FAT3: variants seen among roughly 807,000 people sequenced by gnomAD.
FAT3 encodes FAT atypical cadherin 3, also known as protocadherin Fat 3.
In FAT3, 95 loss-of-function variants were observed where a neutral mutation model predicts 310.2. That is an observed-to-expected ratio of 0.31 (90% CI 0.26 to 0.36). FAT3 has a LOEUF of 0.36. Among genes scored for constraint, FAT3 ranks in the 10% least tolerant of loss-of-function variants. The pLI is 1.00. For missense variants in FAT3, 5,408 were observed against 5,715.6 expected, an observed-to-expected ratio of 0.95 and a Z score of 1.74; for synonymous variants, 2,314 against 2,192.9, an observed-to-expected ratio of 1.06 and a Z score of -1.54.
chr11:92,631,291 G>A (rs1941548521), intron 3 of FAT3, among the ~76,000 whole-genome samples: 1 of 152,100 alleles, frequency 6.6e-6, no homozygotes, highest in Non-Finnish European at 1.5e-5. Flanking sequence ...TGTCAAAAAG[G>A]GTCACCATGA....
At chr11:92,654,740 C>T (rs556192688) in intron 3 of FAT3, among the ~76,000 whole-genome samples, 6 of 152,156 alleles carry the variant, frequency 3.9e-5, no homozygotes, top group African/African-American at 1.4e-4. Flanking sequence ...ACAACAGGTC[C>T]GTCTGCTTTT....
chr11:92,732,655 G>T (rs1945216867), intron 4 of FAT3, among the ~76,000 whole-genome samples: 1 of 152,198 alleles, frequency 6.6e-6, no homozygotes. Flanking sequence ...TTTAAATTAT[G>T]TCTCAATGTC....
intron 13 of FAT3, among the ~76,000 whole-genome samples, chr11:92,823,969 G>A (rs1031520145): frequency 3.3e-5 from 5 of 152,262 alleles, no homozygotes; most frequent in Non-Finnish European, 7.3e-5. Context: ...ATTAATTTAA[G>A]CTGTTTCATT....
chr11:92,764,390 G>A (rs542752553), intron 5 of FAT3, among the ~76,000 whole-genome samples: 94 of 152,072 alleles, frequency 6.2e-4, no homozygotes, highest in African/African-American at 9.6e-4. Context: ...GAGGAGCTGC[G>A]AAACACAACC....
rs1423114908 is a variant in FAT3 at position 92,798,746 on chromosome 11, C to T, written c.5733C>T (p.Asp1911=). The change falls in exon 10 of 28, where the codon GAC becomes GAT. Residue 1911 remains aspartate, a synonymous_variant. Coordinates refer to ENST00000525166, the MANE Select transcript of FAT3 (RefSeq NM_001367949.2). ...TGAAAGTTAGTGCCACAGATCCTGACTCTGAGGTACCCCCTGAACTGACAT... is the reference window on the plus strand; with the variant it reads ...TGAAAGTTAGTGCCACAGATCCTGATTCTGAGGTACCCCCTGAACTGACAT... ...EVLKVSATDP[D]SEVPPELTYS... 6.2e-7 allele frequency: 1 copy of T among 1,613,870 alleles called. No homozygotes were observed. Among genetic ancestry groups the T allele is most frequent in the Non-Finnish European group, 8.5e-7 (1 of 1,179,854 alleles).
intron 14 of FAT3, 49 bp from the exon 15 acceptor site, chr11:92,834,819 GAC>G (rs1204131874): frequency 7.0e-7 from 1 of 1,420,726 alleles, no homozygotes; most frequent in Non-Finnish European, 9.6e-7. Context: ...TAGAATTGCT[GAC>G]CAGTGTTTTT....
intron 1 of FAT3, chr11:92,336,028 C>A: frequency 1.2e-5 from 6 of 486,214 alleles, no homozygotes; most frequent in South Asian, 9.5e-5. Flanking sequence ...CACTCAGCAA[C>A]TGGTCAGTTC....
At chr11:92,451,954 C>A (rs1189008821) in intron 2 of FAT3, among the ~76,000 whole-genome samples, 1 of 152,128 alleles carries the variant, frequency 6.6e-6, no homozygotes, top group South Asian at 2.1e-4. Flanking sequence ...GAGTCCTTGT[C>A]TTTTTAAAGA....
intron 2 of FAT3, among the ~76,000 whole-genome samples, chr11:92,471,295 C>T (rs540625642): frequency 1.3e-5 from 2 of 152,176 alleles, no homozygotes; most frequent in Admixed American, 6.6e-5. Context: ...ATACATAGCA[C>T]TAATTTGTTT....
chr11:92,419,059 C>G (rs889296354), intron 2 of FAT3, among the ~76,000 whole-genome samples: 1 of 152,148 alleles, frequency 6.6e-6, no homozygotes, highest in Non-Finnish European at 1.5e-5. Flanking sequence ...CCCTCTCCAC[C>G]AGACCCCTGA....
chr11:92,401,779 G>C (rs1023947685), intron 2 of FAT3, among the ~76,000 whole-genome samples: 1 of 152,188 alleles, frequency 6.6e-6, no homozygotes, highest in South Asian at 2.1e-4. Flanking sequence ...GCTAGGAGGA[G>C]AGGAACAAAG....
intron 3 of FAT3, among the ~76,000 whole-genome samples, chr11:92,624,781 A>C (rs1435146058): frequency 6.6e-6 from 1 of 152,144 alleles, no homozygotes; most frequent in Non-Finnish European, 1.5e-5. Context: ...AAACAGCAGA[A>C]ATTTGTTGTC....
chr11:92,523,680 T>C (rs1295965502), intron 2 of FAT3, among the ~76,000 whole-genome samples: 1 of 150,850 alleles, frequency 6.6e-6, no homozygotes. Flanking sequence ...TTTCACGCTT[T>C]CTATGAGCCT....
intron 22 of FAT3, among the ~76,000 whole-genome samples, chr11:92,878,608 C>T (rs1318295829): frequency 5.7e-5 from 6 of 105,606 alleles, no homozygotes; most frequent in Non-Finnish European, 1.1e-4. Flanking sequence ...ACTATAACCA[C>T]AACACAGGAG....
At position 92,800,469 on chromosome 11, in the gene FAT3, G is replaced by T. The variant is rs755655312; in HGVS notation, c.7456G>T (p.Val2486Leu). Residue 2486 changes from valine (V) to leucine (L), a missense_variant, in exon 10 of 28, where the codon GTA (valine) becomes TTA (leucine). Coordinates refer to ENST00000525166, the MANE Select transcript of FAT3 (RefSeq NM_001367949.2). ...CAGCACTGCACAGGTGCATATTAGGGTACTTGGGGCTAACTTGTACAGCCC... is the reference window on the plus strand; with the variant it reads ...CAGCACTGCACAGGTGCATATTAGGTTACTTGGGGCTAACTTGTACAGCCC... ...FTSTAQVHIR[V>L]LGANLYSPAF... 3.1e-6 allele frequency: 5 copies of T among 1,613,824 alleles called. No homozygotes were observed. Among genetic ancestry groups the T allele is most frequent in the Non-Finnish European group, 4.2e-6 (5 of 1,179,874 alleles).
intron 4 of FAT3, among the ~76,000 whole-genome samples, chr11:92,712,161 G>A (rs972376979): frequency 2.6e-5 from 4 of 152,164 alleles, no homozygotes; most frequent in Non-Finnish European, 5.9e-5. Context: ...ATGTCTCTGA[G>A]AGGGCACATA....
At chr11:92,823,654 C>A (rs1278518144) in intron 13 of FAT3, among the ~76,000 whole-genome samples, 1 of 152,152 alleles carries the variant, frequency 6.6e-6, no homozygotes, top group Non-Finnish European at 1.5e-5. Context: ...ATTTTTGGTG[C>A]AGTCATCAGG....
At chr11:92,359,188 G>A (rs1034218883) in intron 2 of FAT3, among the ~76,000 whole-genome samples, 1 of 151,974 alleles carries the variant, frequency 6.6e-6, no homozygotes, top group African/African-American at 2.4e-5. Flanking sequence ...ATTTACTTGA[G>A]CTCCTCAGAC....
Position 92,793,104 on chromosome 11 carries a change from G to A in FAT3, c.4822+127G>A, listed in dbSNP as rs963258743. 2.3e-5 allele frequency: 21 copies of A among 896,292 alleles called. No homozygotes were observed. The South Asian group carries it at 3.3e-4, about 14-fold the overall frequency. 55.5% of individuals were successfully genotyped at this position (896,292 alleles called of 1,614,324 possible). Reference sequence around the variant, plus strand: ...TCTCTAAATGAACTTTTTTGGCCAAGCCGCTGTCCTATTTGGGAGATGATG... The same window carrying A: ...TCTCTAAATGAACTTTTTTGGCCAAACCGCTGTCCTATTTGGGAGATGATG... On this transcript the variant is annotated intron_variant, in intron 9 of 27. Coordinates refer to ENST00000525166, the MANE Select transcript of FAT3 (RefSeq NM_001367949.2).
Sources: gnomAD v4.1 joint callset for allele counts (sites outside exome capture counted in the v4.1 genomes callset) on GRCh38, gnomAD v4.1.1 for gene constraint, MANE v1.5 for transcripts, NCBI Gene and HGNC (gene_info 2026-07-23, HGNC 2026-07-21) for gene names.